C22orf23: variants seen among roughly 807,000 people sequenced by gnomAD.
C22orf23 encodes UPF0193 protein EVG1.
Under a neutral mutation model 29.7 loss-of-function variants are expected in C22orf23, and 30 were observed. The observed-to-expected ratio is 1.01, with a 90% CI of 0.76 to 1.37. C22orf23 has a LOEUF of 1.37. Among genes scored for constraint, C22orf23 ranks in the 40% most tolerant of loss-of-function variants. C22orf23 has a pLI of 0.00. For missense variants in C22orf23, 237 were observed against 273.1 expected (o/e 0.87, Z 0.93); for synonymous variants, 90 against 96.1 (o/e 0.94, Z 0.37).
intron 3 of C22orf23, among the ~76,000 whole-genome samples, chr22:37,948,307 A>T (rs1930822788): frequency 6.6e-6 from 1 of 151,642 alleles, no homozygotes; most frequent in Non-Finnish European, 1.5e-5. Flanking sequence ...AAAATTAGCC[A>T]GGCATTATGA....
rs765113011 is a variant in C22orf23, at chr22:37,951,533, A to G, written c.104-11T>C. The G allele has an allele frequency of 9.3e-6, 15 of 1,613,592 alleles. No individual in the cohort carries two copies. The highest frequency in any genetic ancestry group is 3.3e-5 in the Admixed American group (2 of 59,936). On this transcript the variant is annotated splice_polypyrimidine_tract_variant and intron_variant, in intron 2 of 6. Transcript: ENST00000403305. ...ATTCCTTCATCATCACTGCACGACA[A>G]AGCATTCTATGAGGCCTCTTGGGCT...
intron 2 of C22orf23, among the ~76,000 whole-genome samples, chr22:37,952,080 G>A (rs1384772122): frequency 2.0e-5 from 3 of 151,984 alleles, no homozygotes; most frequent in Non-Finnish European, 4.4e-5. Flanking sequence ...CTCCCAAAGT[G>A]CTGGGATTAC....
At chr22:37,945,197 C>T (rs752952018) in intron 4 of C22orf23, 24 bp from the exon 5 acceptor site, 94 of 1,603,084 alleles carry the variant, frequency 5.9e-5, no homozygotes, top group Non-Finnish European at 7.8e-5. Flanking sequence ...AAGAAATGGC[C>T]TAGTTAGGCT....
At position 37,945,050 on chromosome 22, in the gene C22orf23, A is replaced by G. The variant is rs371291489; in HGVS notation, c.473T>C (p.Phe158Ser). ...GTCCGTCGGAGTCTTACGCTCTTCA[A>G]ATCGGTCTAGCTCAGGGGCTGGAGC... Reference protein sequence around the residue: ...QKAPAPELDRFEELVKEIQER... With the variant: ...QKAPAPELDRSEELVKEIQER... Residue 158 changes from phenylalanine (F) to serine (S), a missense_variant, in exon 5 of 7, where the codon TTT becomes TCT. Coordinates refer to ENST00000403305, the MANE Select transcript of C22orf23 (RefSeq NM_032561.5). 27 of 1,606,626 alleles carry G rather than the reference A, an allele frequency of 1.7e-5. No homozygotes were observed. In the Admixed American group the frequency reaches 2.7e-4, roughly 16 times the overall value.
At chr22:37,944,861 C>G in intron 5 of C22orf23, 181 bp downstream of exon 5, 4 of 694,234 alleles carry the variant, frequency 5.8e-6, no homozygotes, top group Non-Finnish European at 9.2e-6. Flanking sequence ...GATCACGCCA[C>G]TGCACTCTAG....
rs754613776 is a variant in C22orf23 at position 37,945,159 on chromosome 22, CCTT to C, written c.361_363del (p.Lys121del). On this transcript the variant is annotated inframe_deletion, in exon 5 of 7. Transcript: ENST00000403305. Reference sequence around the variant, plus strand: ...AAGATATTTTGGAGTCTTTGTTTCTCCTTCTCCAAATCCCCTGTAGGGCCAAAA... The same window carrying C: ...AAGATATTTTGGAGTCTTTGTTTCTCCTCCAAATCCCCTGTAGGGCCAAAA... 1.9e-6 allele frequency: 3 copies of C among 1,612,696 alleles called. No individual in the cohort carries two copies. Among genetic ancestry groups the C allele is most frequent in the Admixed American group, 3.3e-5 (2 of 59,732 alleles).
intron 4 of C22orf23, 61 bp downstream of exon 4, chr22:37,947,220 C>T (rs538240003): frequency 7.6e-6 from 12 of 1,582,088 alleles, no homozygotes; most frequent in Middle Eastern, 1.8e-4. Context: ...CTGCTTGCGT[C>T]CCTCTCCCTT....
At chr22:37,950,207 G>A (rs113980398) in intron 3 of C22orf23, among the ~76,000 whole-genome samples, 19 of 151,882 alleles carry the variant, frequency 1.3e-4, no homozygotes, top group African/African-American at 4.4e-4. Flanking sequence ...CTGCCTGCTG[G>A]GTTCAAGTGA....
At chr22:37,951,695 ATATTT>A (rs1931022057) in intron 2 of C22orf23, 173 bp from the exon 3 acceptor site, 2 of 380,878 alleles carry the variant, frequency 5.3e-6, no homozygotes, top group Non-Finnish European at 9.3e-6. Context: ...AAAATTCTAT[ATATTT>A]TATTTTATTG....
chr22:37,947,574 G>A (rs1032558575), intron 3 of C22orf23, 111 bp from the exon 4 acceptor site: 13 of 903,190 alleles, frequency 1.4e-5, no homozygotes, highest in African/African-American at 7.6e-5. Context: ...GCAGCGGCGC[G>A]ATCTCGGCTT....
At position 37,952,954 on chromosome 22, in the gene C22orf23, C is replaced by T. The variant is rs577530540; in HGVS notation, c.103+93G>A. 1.3e-5 allele frequency: 11 copies of T among 875,206 alleles called. No individual in the cohort carries two copies. The East Asian group carries it at 2.7e-4, about 21-fold the overall frequency. The allele number at this position is 875,206 out of a possible 1,614,324, so 54.2% of individuals were successfully genotyped here. On this transcript the variant is annotated intron_variant, in intron 2 of 6. Coordinates refer to ENST00000403305, the MANE Select transcript of C22orf23 (RefSeq NM_032561.5). ...AGGTGGAACAGTTTCATCCCGAAAC[C>T]ATTCCCCACACCTCCGTCAGTGGAA...
intron 5 of C22orf23, 28 bp downstream of exon 5, chr22:37,945,014 C>T (rs760480322): frequency 1.9e-6 from 3 of 1,571,896 alleles, no homozygotes; most frequent in Non-Finnish European, 2.6e-6. Context: ...CCCCCACCCC[C>T]AGCATGACTG....
intron 6 of C22orf23, 26 bp from the exon 7 acceptor site, chr22:37,944,272 G>T (rs1483030866): frequency 6.2e-7 from 1 of 1,614,090 alleles, no homozygotes; most frequent in African/African-American, 1.3e-5. Flanking sequence ...GGGAAAGCAG[G>T]TGTATCAGGG....
chr22:37,953,188 C>G, intron 1 of C22orf23, 30 bp from the exon 2 acceptor site: 1 of 1,457,870 alleles, frequency 6.9e-7, no homozygotes, highest in Non-Finnish European at 9.6e-7. Context: ...ATGACACACC[C>G]CCTGTCTCCT....
chr22:37,944,142 G>C lies in C22orf23; in HGVS notation c.*33C>G. The stretch of plus-strand genomic sequence containing the variant: ...CAGAGGAGTGGACTCCAGTGGTCGA[G>C]CTTGGGCTACCCTGCCCGTCTCTGG... On this transcript the variant is annotated 3_prime_UTR_variant, in exon 7 of 7. Transcript: ENST00000403305. 1.3e-6 allele frequency: 2 copies of C among 1,599,170 alleles called. No individual in the cohort carries two copies. The highest frequency in any genetic ancestry group is 1.7e-6 in the Non-Finnish European group (2 of 1,166,414).
intron 1 of C22orf23, 127 bp downstream of exon 1, chr22:37,953,321 G>C (rs1931188979): frequency 1.7e-6 from 1 of 604,266 alleles, no homozygotes; most frequent in East Asian, 2.8e-5. Context: ...CAGACACACA[G>C]ATACACACAC....
Position 37,953,438 on chromosome 22 carries a change from G to T in C22orf23, c.-10+10C>A. 1.9e-6 allele frequency: 1 copy of T among 535,752 alleles called. No individual in the cohort carries two copies. Among genetic ancestry groups the T allele is most frequent in the South Asian group, 2.5e-5 (1 of 40,008 alleles). The allele number at this position is 535,752 out of a possible 1,614,324, so 33.2% of individuals were successfully genotyped here. A position where few individuals can be genotyped will look rare whatever the true frequency, so the allele number is the denominator to read the frequency against. On this transcript the variant is annotated intron_variant, in intron 1 of 6. Transcript: ENST00000403305. ...ACCCACTGAGTGATATGCCAAAATT[G>T]AAATTTCACCCTAAGACCCTCTCTG...
At chr22:37,952,380 C>T (rs1056094072) in intron 2 of C22orf23, among the ~76,000 whole-genome samples, 3 of 152,108 alleles carry the variant, frequency 2.0e-5, no homozygotes, top group Non-Finnish European at 4.4e-5. Context: ...TGTGTGAGGG[C>T]ACATAACAGT....
In C22orf23 at chr22:37,947,448, G is replaced by A; in HGVS notation, c.182C>T (p.Pro61Leu). ...MDIMKRGDALPLQCSPTSSQR... is the reference protein window; with the variant it reads ...MDIMKRGDALLLQCSPTSSQR... The stretch of plus-strand genomic sequence containing the variant: ...GCTGGATGTTGGGCTGCACTGTAGG[G>A]GCAAAGCATCTCCTCCTGGGGAACG... Residue 61 changes from proline to leucine, a missense_variant, in exon 4 of 7, where the codon CCC becomes CTC. Coordinates refer to ENST00000403305, the MANE Select transcript of C22orf23 (RefSeq NM_032561.5). The A allele has an allele frequency of 6.3e-7, 1 of 1,589,022 alleles. No individual in the cohort carries two copies. Among genetic ancestry groups the A allele is most frequent in the East Asian group, 2.3e-5 (1 of 43,470 alleles).
Sources: gnomAD v4.1 joint callset for allele counts (sites outside exome capture counted in the v4.1 genomes callset) on GRCh38, gnomAD v4.1.1 for gene constraint, MANE v1.5 for transcripts, NCBI Gene and HGNC (gene_info 2026-07-23, HGNC 2026-07-21) for gene names.